VIPAS39: variants seen among roughly 807,000 people sequenced by gnomAD.
The protein encoded by VIPAS39 is spermatogenesis-defective protein 39 homolog.
Under a neutral mutation model 84.7 loss-of-function variants are expected in VIPAS39, and 63 were observed. The observed-to-expected ratio is 0.74, with a 90% CI of 0.61 to 0.92. The LOEUF (loss-of-function observed/expected upper bound fraction) is 0.92. VIPAS39 is among the 40% of genes least tolerant of loss of function. VIPAS39 has a pLI of 0.00. For missense variants in VIPAS39, 499 were observed against 604.5 expected (o/e 0.83, Z 1.83); for synonymous variants, 192 against 216.5 (o/e 0.89, Z 0.99).
At chr14:77,442,517 C>G in intron 10 of VIPAS39, 43 bp downstream of exon 10, 1 of 1,524,380 alleles carries the variant, frequency 6.6e-7, no homozygotes, top group Non-Finnish European at 9.1e-7. Flanking sequence ...TGCTTTGAAA[C>G]AAGTACTTAC....
chr14:77,448,522 T>G lies in VIPAS39; in HGVS notation c.476A>C (p.Asp159Ala). 1.2e-6 allele frequency: 2 copies of G among 1,614,172 alleles called. No individual in the cohort carries two copies. The highest frequency in any genetic ancestry group is 1.7e-6 in the Non-Finnish European group (2 of 1,180,018). The change falls in exon 7 of 20, where the codon GAT becomes GCT. Residue 159 changes from aspartate to alanine, a missense_variant. Transcript: ENST00000557658. ...RDYSNDWSPS[D>A]TVRRLRKGKV... ...GCCCTTCCGGAGACGTCGCACTGTA[T>G]CACTGGGGCTCCAGTCATTGCTGTA...
intron 3 of VIPAS39, 123 bp from the exon 4 acceptor site, chr14:77,451,456 G>A (rs1235912864): frequency 7.0e-7 from 1 of 1,426,666 alleles, no homozygotes; most frequent in Admixed American, 1.8e-5. Context: ...CTTGGGGCAG[G>A]GAGAAAAGAT....
chr14:77,434,039 T>C, intron 15 of VIPAS39, 108 bp from the exon 16 acceptor site: 1 of 1,367,296 alleles, frequency 7.3e-7, no homozygotes, highest in South Asian at 1.2e-5. Context: ...ATATTGACTC[T>C]GCCCCTTAAA....
rs1318215221 is a variant in VIPAS39, at chr14:77,428,462, G to C, written c.1369C>G (p.Leu457Val). 6.2e-7 allele frequency: 1 copy of C among 1,613,750 alleles called. No individual in the cohort carries two copies. Among genetic ancestry groups the C allele is most frequent in the Non-Finnish European group, 8.5e-7 (1 of 1,179,938 alleles). ...HDVVIDTYRDLKDRQQLLAYR... is the reference protein window; with the variant it reads ...HDVVIDTYRDVKDRQQLLAYR... ...GCTAGCAACTGTTGACGATCCTTCA[G>C]GTCCCGGTAGGTCTGTGCATCAAAA... The change falls in exon 19 of 20, where the codon CTG (leucine) becomes GTG (valine). Residue 457 changes from leucine (L) to valine (V), a missense_variant. Physicochemically the swap from Leu to Val is conservative, Grantham distance 32. Transcript: ENST00000557658.
intron 11 of VIPAS39, 56 bp downstream of exon 11, chr14:77,441,010 G>T: frequency 6.2e-7 from 1 of 1,605,386 alleles, no homozygotes. Context: ...GAGCCACTGT[G>T]CCCAGCCTAG....
Position 77,434,147 on chromosome 14 carries a change from T to G in VIPAS39, c.1089+115A>C, listed in dbSNP as rs67370165. The G allele has an allele frequency of 0.15, 190,044 of 1,273,130 alleles. 15,335 individuals are homozygous for G. The highest frequency in any genetic ancestry group is 0.19 in the Middle Eastern group (1,023 of 5,412). The allele number at this position is 1,273,130 out of a possible 1,614,324, so 78.9% of individuals were successfully genotyped here. On this transcript the variant is annotated intron_variant, in intron 15 of 19. Coordinates refer to ENST00000557658, the MANE Select transcript of VIPAS39 (RefSeq NM_001193315.2). ...CTCTCACTTTCCCAAACTCATTCCT[T>G]TCCACCTTTAACCTTGAATATCAAA...
chr14:77,454,190 A>G (rs2078925804), intron 1 of VIPAS39, 88 bp from the exon 2 acceptor site: 2 of 1,187,568 alleles, frequency 1.7e-6, no homozygotes, highest in Non-Finnish European at 2.5e-6. Flanking sequence ...CCACTAACTG[A>G]TCCCAAAAAT....
chr14:77,443,236 C>T, intron 8 of VIPAS39, 84 bp from the exon 9 acceptor site: 1 of 1,508,186 alleles, frequency 6.6e-7, no homozygotes, highest in Non-Finnish European at 9.2e-7. Flanking sequence ...GCCAGCAACT[C>T]ATTAGCAATC....
In VIPAS39 at chr14:77,429,680, C is replaced by T. The variant is rs938013409; in HGVS notation, c.1266+1G>A. 4 of 1,613,924 alleles carry T rather than the reference C, an allele frequency of 2.5e-6. No homozygotes were observed. The highest frequency in any genetic ancestry group is 3.4e-6 in the Non-Finnish European group (4 of 1,179,924). On this transcript the variant is annotated splice_donor_variant, in intron 17 of 19. Coordinates refer to ENST00000557658, the MANE Select transcript of VIPAS39 (RefSeq NM_001193315.2). LOFTEE classifies it high-confidence loss of function. ...ACCCAACTCTCTTCAGGACCCATTA[C>T]CTGCACAGGGGCATTGTTCTTGTGC...
chr14:77,439,511 G>A (rs2078666609), intron 11 of VIPAS39, among the ~76,000 whole-genome samples: 1 of 152,302 alleles, frequency 6.6e-6, no homozygotes, highest in Admixed American at 6.5e-5. Flanking sequence ...ACTGAGCCAG[G>A]TGAGGTGGTT....
intron 11 of VIPAS39, 93 bp from the exon 12 acceptor site, chr14:77,437,974 A>C: frequency 7.7e-7 from 1 of 1,304,444 alleles, no homozygotes; most frequent in Non-Finnish European, 1.1e-6. Flanking sequence ...TAAAAAAACA[A>C]ATTCTTCATT....
In VIPAS39 at chr14:77,435,888, T is replaced by C. The variant is rs749063086; in HGVS notation, c.868A>G (p.Ile290Val). The stretch of plus-strand genomic sequence containing the variant: ...TCCAGGAGCGTGTAATGGTCCTGTA[T>C]GTGTGCGGAATCTTCTGCTGAAAAT... ...LPFSAEDSAHIQDHYTLLERQ... is the reference protein window; with the variant it reads ...LPFSAEDSAHVQDHYTLLERQ... The change falls in exon 13 of 20, where the codon ATA (isoleucine) becomes GTA (valine). Residue 290 changes from isoleucine (I) to valine (V), a missense_variant. Transcript: ENST00000557658. 3 of 1,614,060 alleles carry C rather than the reference T, an allele frequency of 1.9e-6. No homozygotes were observed. The highest frequency in any genetic ancestry group is 2.7e-5 in the African/African-American group (2 of 74,934).
intron 3 of VIPAS39, among the ~76,000 whole-genome samples, chr14:77,451,912 T>C (rs1429708782): frequency 1.3e-5 from 2 of 152,226 alleles, no homozygotes; most frequent in Non-Finnish European, 1.5e-5. Flanking sequence ...GTACAACCCC[T>C]GTGGAGGTCA....
chr14:77,457,013 G>A, intron 1 of VIPAS39: 1 of 1,240,990 alleles, frequency 8.1e-7, no homozygotes, highest in Non-Finnish European at 1.0e-6. Context: ...GGGAGAACAG[G>A]AACTTTACAA....
chr14:77,445,802 G>A (rs563663192), intron 7 of VIPAS39, among the ~76,000 whole-genome samples: 16 of 152,132 alleles, frequency 1.1e-4, no homozygotes, highest in African/African-American at 3.6e-4. Flanking sequence ...AGCCAGGCAT[G>A]GTGGCACACA....
chr14:77,441,049 A>G lies in VIPAS39; in HGVS notation c.762+17T>C. Reference sequence around the variant, plus strand: ...TCTGTTAAACAGGTACCCAACTGAAACAAAGGCCACACTTACCGCAAGCTC... The same window carrying G: ...TCTGTTAAACAGGTACCCAACTGAAGCAAAGGCCACACTTACCGCAAGCTC... On this transcript the variant is annotated intron_variant, in intron 11 of 19. Transcript: ENST00000557658. 6.2e-7 allele frequency: 1 copy of G among 1,609,820 alleles called. No individual in the cohort carries two copies. The highest frequency in any genetic ancestry group is 8.5e-7 in the Non-Finnish European group (1 of 1,179,326).
Position 77,429,817 on chromosome 14 carries a change from C to G in VIPAS39, c.1180-50G>C, listed in dbSNP as rs201210702. On this transcript the variant is annotated intron_variant, in intron 16 of 19. Coordinates refer to ENST00000557658, the MANE Select transcript of VIPAS39 (RefSeq NM_001193315.2). The stretch of plus-strand genomic sequence containing the variant: ...GCAGGTAGGCCAGGCACACTCAACA[C>G]ATTCTAGGTTAGTCTATGTTTTACG... The G allele has an allele frequency of 1.3e-4, 195 of 1,497,090 alleles. No individual in the cohort carries two copies. The East Asian group carries it at 4.3e-3, about 33-fold the overall frequency. 92.7% of individuals were successfully genotyped at this position (1,497,090 alleles called of 1,614,324 possible).
chr14:77,444,659 G>A (rs566186890), intron 7 of VIPAS39, among the ~76,000 whole-genome samples: 33 of 151,862 alleles, frequency 2.2e-4, no homozygotes, highest in Non-Finnish European at 3.5e-4. Context: ...TGCAAGCTCC[G>A]CCTCCCAGGT....
chr14:77,437,980 T>G (rs1364496564), intron 11 of VIPAS39, 99 bp from the exon 12 acceptor site: 17 of 1,230,030 alleles, frequency 1.4e-5, no homozygotes, highest in Non-Finnish European at 1.9e-5. Flanking sequence ...AACAAATTCT[T>G]CATTTCTGGG....
Sources: allele counts gnomAD v4.1 joint callset (sites outside exome capture counted in the v4.1 genomes callset), GRCh38; gene constraint gnomAD v4.1.1; transcripts MANE v1.5; gene names NCBI Gene and HGNC (gene_info 2026-07-23, HGNC 2026-07-21).